TEAD1: variants seen among roughly 807,000 people sequenced by gnomAD.
TEAD1 encodes TEA domain transcription factor 1, also known as transcriptional enhancer factor TEF-1.
Under a neutral mutation model 54.9 loss-of-function variants are expected in TEAD1, and 9 were observed. The observed-to-expected ratio is 0.16, with a 90% confidence interval of 0.10 to 0.29. The LOEUF is 0.29. TEAD1 is among the 10% of genes least tolerant of loss of function. The pLI is 1.00. For missense variants in TEAD1, 387 were observed against 535.9 expected, an observed-to-expected ratio of 0.72 and a Z score of 2.74; for synonymous variants, 200 against 187.8, an observed-to-expected ratio of 1.07 and a Z score of -0.53.
chr11:12,790,278 A>G (rs566004915), intron 3 of TEAD1, among the ~76,000 whole-genome samples: 2 of 152,234 alleles, frequency 1.3e-5, no homozygotes, highest in Non-Finnish European at 2.9e-5. Flanking sequence ...ATACTTGGAC[A>G]TGGACATCAA....
At chr11:12,874,621 G>A (rs1947818106) in intron 5 of TEAD1, among the ~76,000 whole-genome samples, 5 of 152,174 alleles carry the variant, frequency 3.3e-5, no homozygotes, top group Admixed American at 3.3e-4. Flanking sequence ...CAGAGGCAGC[G>A]AGACCATTGA....
chr11:12,842,119 TATA>T (rs1947053774), intron 3 of TEAD1, among the ~76,000 whole-genome samples: 1 of 152,194 alleles, frequency 6.6e-6, no homozygotes, highest in Non-Finnish European at 1.5e-5. Context: ...GGGAACCTAT[TATA>T]ATGATATATA....
At chr11:12,774,189 A>G (rs1304162206) in intron 3 of TEAD1, among the ~76,000 whole-genome samples, 2 of 152,126 alleles carry the variant, frequency 1.3e-5, no homozygotes, top group Admixed American at 6.5e-5. Flanking sequence ...CAGCACTGAG[A>G]TTAGAGATGG....
At chr11:12,794,905 C>T (rs1945883131) in intron 3 of TEAD1, among the ~76,000 whole-genome samples, 1 of 152,240 alleles carries the variant, frequency 6.6e-6, no homozygotes, top group African/African-American at 2.4e-5. Flanking sequence ...AAAGGAAATC[C>T]ATCCTGCCCT....
intron 3 of TEAD1, among the ~76,000 whole-genome samples, chr11:12,860,864 C>T (rs551930078): frequency 1.3e-5 from 2 of 152,204 alleles, no homozygotes; most frequent in East Asian, 1.9e-4. Context: ...GGCAACCAAA[C>T]CTAGTTGGGC....
intron 2 of TEAD1, among the ~76,000 whole-genome samples, chr11:12,682,044 G>A (rs78024140): frequency 1.3e-5 from 2 of 152,260 alleles, no homozygotes; most frequent in East Asian, 3.9e-4. Flanking sequence ...TAGGTGCAGT[G>A]TGTCTGTATT....
At chr11:12,735,475 A>G (rs371898202) in intron 2 of TEAD1, among the ~76,000 whole-genome samples, 4 of 152,016 alleles carry the variant, frequency 2.6e-5, no homozygotes, top group Non-Finnish European at 5.9e-5. Context: ...GTGTATTCCA[A>G]CCAGACCTCT....
At chr11:12,756,183 C>T (rs1189331363) in intron 2 of TEAD1, among the ~76,000 whole-genome samples, 1 of 152,136 alleles carries the variant, frequency 6.6e-6, no homozygotes, top group East Asian at 1.9e-4. Flanking sequence ...TCTGTTGACA[C>T]GGAAGTGATT....
chr11:12,904,825 G>C (rs780493956), intron 10 of TEAD1: 18 of 331,082 alleles, frequency 5.4e-5, no homozygotes, highest in Non-Finnish European at 1.1e-4. Flanking sequence ...GGTCCTGTTT[G>C]CAGTATCGTA....
chr11:12,700,721 T>C (rs1943683106), intron 2 of TEAD1, among the ~76,000 whole-genome samples: 1 of 152,232 alleles, frequency 6.6e-6, no homozygotes. Flanking sequence ...TTTATAATAC[T>C]GTTGCTTTTG....
At chr11:12,830,281 A>G (rs557244257) in intron 3 of TEAD1, among the ~76,000 whole-genome samples, 1 of 152,220 alleles carries the variant, frequency 6.6e-6, no homozygotes, top group East Asian at 1.9e-4. Flanking sequence ...GAAGATCCAC[A>G]AAGGCTGGCA....
chr11:12,693,577 A>T (rs1018347121), intron 2 of TEAD1, among the ~76,000 whole-genome samples: 4 of 152,262 alleles, frequency 2.6e-5, no homozygotes, highest in African/African-American at 9.6e-5. Flanking sequence ...AACGCTGTTA[A>T]GTCGCAGCCC....
chr11:12,912,235 G>C (rs1948630078), intron 10 of TEAD1, among the ~76,000 whole-genome samples: 1 of 152,180 alleles, frequency 6.6e-6, no homozygotes, highest in African/African-American at 2.4e-5. Flanking sequence ...ATGTGATTGA[G>C]AGTTCTGATT....
chr11:12,914,467 C>G (rs113078797), intron 10 of TEAD1, among the ~76,000 whole-genome samples: 1 of 152,290 alleles, frequency 6.6e-6, no homozygotes, highest in Non-Finnish European at 1.5e-5. Context: ...GCATAAGGGC[C>G]GAAGTGAACA....
intron 9 of TEAD1, among the ~76,000 whole-genome samples, chr11:12,885,096 TAAAG>T (rs1200099843): frequency 6.6e-6 from 1 of 152,126 alleles, no homozygotes; most frequent in Non-Finnish European, 1.5e-5. Flanking sequence ...ATTTTACAGA[TAAAG>T]AAACTGAGGC....
intron 2 of TEAD1, among the ~76,000 whole-genome samples, chr11:12,720,991 C>A (rs1412923924): frequency 6.6e-6 from 1 of 152,162 alleles, no homozygotes; most frequent in African/African-American, 2.4e-5. Flanking sequence ...CTTGGATTTC[C>A]TTTGGACCTT....
At chr11:12,812,475 A>G (rs1382705959) in intron 3 of TEAD1, among the ~76,000 whole-genome samples, 1 of 152,226 alleles carries the variant, frequency 6.6e-6, no homozygotes, top group Non-Finnish European at 1.5e-5. Flanking sequence ...CTCAGAGCCT[A>G]ATATGGACAG....
chr11:12,890,641 G>C (rs1257816569), intron 9 of TEAD1, among the ~76,000 whole-genome samples: 1 of 152,204 alleles, frequency 6.6e-6, no homozygotes, highest in African/African-American at 2.4e-5. Context: ...AAATGCTTCT[G>C]AACCTGAATG....
At chr11:12,839,852 G>A (rs994548500) in intron 3 of TEAD1, among the ~76,000 whole-genome samples, 1 of 152,154 alleles carries the variant, frequency 6.6e-6, no homozygotes, top group Non-Finnish European at 1.5e-5. Flanking sequence ...AATGTGGTAA[G>A]ACTCATTAAT....
Sources: gnomAD v4.1 joint callset for allele counts (sites outside exome capture counted in the v4.1 genomes callset) on GRCh38, gnomAD v4.1.1 for gene constraint, MANE v1.5 for transcripts, NCBI Gene and HGNC (gene_info 2026-07-23, HGNC 2026-07-21) for gene names.